The following PTPN22 variants were observed in gnomAD, a reference collection of about 807,000 sequenced individuals.
The protein encoded by PTPN22 is protein tyrosine phosphatase non-receptor type 22.
In PTPN22, 85 loss-of-function variants were observed where a neutral mutation model predicts 103.3. That is an observed-to-expected ratio of 0.82 (90% CI 0.69 to 0.99). The LOEUF is 0.99. Among genes scored for constraint, PTPN22 ranks in the 50% least tolerant of loss-of-function variants. The probability of loss-of-function intolerance (pLI) is 0.00; values close to 1 mark genes in which losing one functional copy is unlikely to be tolerated. For synonymous variants in PTPN22, 323 were observed against 310.2 expected, an observed-to-expected ratio of 1.04 and a Z score of -0.43; for missense variants, 865 against 936.9, an observed-to-expected ratio of 0.92 and a Z score of 1.00.
exon 13 of PTPN22, chr1:113,838,298 C>T (rs1663205139): frequency 6.2e-7 from 1 of 1,613,550 alleles, no homozygotes; most frequent in Non-Finnish European, 8.5e-7. Flanking sequence ...GGGTGCAAAA[C>T]TAGCTCTTCT....
rs372615437 is a variant in PTPN22 at position 113,834,440 on chromosome 1, C to T, written c.1895-1G>A. ...TTGGGAACATTTGGTGAGAATTCTC[C>T]TGGAAGAAAGTGAATATAGTTCGGT... On this transcript the variant is annotated splice_acceptor_variant, in intron 14 of 20. Coordinates refer to ENST00000359785, the Ensembl canonical transcript of PTPN22. LOFTEE classifies it high-confidence loss of function. 1 of 1,611,628 alleles carries T rather than the reference C, an allele frequency of 6.2e-7. No individual in the cohort carries two copies. Among genetic ancestry groups the T allele is most frequent in the Non-Finnish European group, 8.5e-7 (1 of 1,177,760 alleles).
intron 11 of PTPN22, among the ~76,000 whole-genome samples, chr1:113,839,518 C>T (rs2101981917): frequency 6.6e-6 from 1 of 152,058 alleles, no homozygotes; most frequent in Non-Finnish European, 1.5e-5. Context: ...GCTTCCCAAT[C>T]CTTATTTTTT....
At chr1:113,868,151 G>T (rs538842657) in intron 1 of PTPN22, among the ~76,000 whole-genome samples, 31 of 152,140 alleles carry the variant, frequency 2.0e-4, no homozygotes, top group Admixed American at 1.8e-3. Flanking sequence ...AGAACTTGGG[G>T]ATACAGACAG....
chr1:113,871,496 G>A (rs761471392), intron 1 of PTPN22, 41 bp downstream of exon 1: 6 of 1,525,318 alleles, frequency 3.9e-6, no homozygotes, highest in Non-Finnish European at 2.7e-6. Flanking sequence ...CAGTTAAATA[G>A]TGTATGTAAC....
exon 13 of PTPN22, chr1:113,838,134 A>C (rs1435654288): frequency 1.2e-6 from 2 of 1,614,006 alleles, no homozygotes; most frequent in African/African-American, 2.7e-5. Flanking sequence ...AACATCCCTC[A>C]AACAAAAGAG....
At chr1:113,850,272 G>GGAAAGAAA (rs1232396836) in intron 10 of PTPN22, among the ~76,000 whole-genome samples, 1 of 132,102 alleles carries the variant, frequency 7.6e-6, no homozygotes, top group African/African-American at 2.9e-5. Context: ...AAGGAAGGAA[G>GGAAAGAAA]GAAAGAAAGG....
chr1:113,830,897 GGTTT>G (rs1662491069), intron 16 of PTPN22, among the ~76,000 whole-genome samples: 1 of 152,002 alleles, frequency 6.6e-6, no homozygotes, highest in African/African-American at 2.4e-5. Context: ...TTGGTCATTG[GGTTT>G]GTTTAGTCCT....
chr1:113,830,104 T>C, intron 16 of PTPN22, 75 bp from the exon 17 acceptor site: 1 of 1,050,214 alleles, frequency 9.5e-7, no homozygotes, highest in African/African-American at 1.6e-5. Context: ...CTTTTCTCTT[T>C]GTATAATTTT....
intron 15 of PTPN22, among the ~76,000 whole-genome samples, chr1:113,833,631 C>G (rs1662738357): frequency 6.6e-6 from 1 of 152,120 alleles, no homozygotes; most frequent in African/African-American, 2.4e-5. Flanking sequence ...TCTGATCTCT[C>G]AAATTTTAAG....
At chr1:113,861,970 G>GA (rs1301544757) in intron 1 of PTPN22, among the ~76,000 whole-genome samples, 4 of 151,996 alleles carry the variant, frequency 2.6e-5, no homozygotes, top group African/African-American at 9.7e-5. Context: ...GAAGTCAGGG[G>GA]AATAGTTGCC....
intron 7 of PTPN22, 74 bp downstream of exon 7, chr1:113,856,308 G>T: frequency 6.8e-7 from 1 of 1,470,728 alleles, no homozygotes. Flanking sequence ...TGCCCAGCCT[G>T]AGCTACACAC....
chr1:113,859,252 C>A, intron 2 of PTPN22, 100 bp downstream of exon 2: 3 of 1,532,000 alleles, frequency 2.0e-6, no homozygotes, highest in Admixed American at 1.9e-5. Flanking sequence ...GTTGTCAATG[C>A]CATGTTCCAA....
chr1:113,829,490 T>G (rs558216792), intron 18 of PTPN22, 102 bp downstream of exon 18: 1 of 602,050 alleles, frequency 1.7e-6, no homozygotes, highest in African/African-American at 1.9e-5. Flanking sequence ...TTAGTTTTAA[T>G]AAAGATATTT....
At chr1:113,844,683 T>TA (rs1663895206) in intron 11 of PTPN22, among the ~76,000 whole-genome samples, 1 of 152,240 alleles carries the variant, frequency 6.6e-6, no homozygotes, top group Non-Finnish European at 1.5e-5. Flanking sequence ...CATTTTTGTT[T>TA]AATTCAGTGT....
At chr1:113,821,284 C>G (rs1661578285) in intron 19 of PTPN22, among the ~76,000 whole-genome samples, 2 of 152,064 alleles carry the variant, frequency 1.3e-5, no homozygotes, top group South Asian at 4.2e-4. Flanking sequence ...GTTATTTTGG[C>G]TCATCATGGA....
At chr1:113,847,323 C>A (rs1664182198) in intron 11 of PTPN22, among the ~76,000 whole-genome samples, 1 of 97,714 alleles carries the variant, frequency 1.0e-5, no homozygotes, top group South Asian at 3.0e-4. Context: ...TATTTTCATT[C>A]TTTTTATTGT....
chr1:113,828,035 A>C (rs966980526), intron 18 of PTPN22, among the ~76,000 whole-genome samples: 1 of 152,222 alleles, frequency 6.6e-6, no homozygotes, highest in African/African-American at 2.4e-5. Flanking sequence ...TAAAGGGCAT[A>C]CCATGCTCAT....
intron 11 of PTPN22, among the ~76,000 whole-genome samples, chr1:113,847,244 T>TTC (rs1385823063): frequency 6.6e-6 from 1 of 150,872 alleles, no homozygotes; most frequent in Non-Finnish European, 1.5e-5. Context: ...CTCTTTTTTT[T>TTC]TTTTTTTTGA....
rs1011039090 is a variant in PTPN22 at position 113,859,053 on chromosome 1, G to A, written c.222C>T (p.Ser74=). The change falls in exon 3 of 21, where the codon TCC becomes TCT. Residue 74 remains serine (S), a synonymous_variant. Transcript: ENST00000359785. ...TGGAATCCTCATCAGAGGTTATCAGGGATAGTTCTACCCGGCTATAATCAT... is the reference window on the plus strand; with the variant it reads ...TGGAATCCTCATCAGAGGTTATCAGAGATAGTTCTACCCGGCTATAATCAT... 9 of 1,613,866 alleles carry A rather than the reference G, an allele frequency of 5.6e-6. No homozygotes were observed. The highest frequency in any genetic ancestry group is 7.6e-6 in the Non-Finnish European group (9 of 1,179,934).
Sources: allele counts gnomAD v4.1 joint callset (sites outside exome capture counted in the v4.1 genomes callset), GRCh38; gene constraint gnomAD v4.1.1; transcripts MANE v1.5; gene names NCBI Gene and HGNC (gene_info 2026-07-23, HGNC 2026-07-21).